Variants in SLC23A2 observed in about 807,000 individuals in gnomAD.
SLC23A2 encodes the protein solute carrier family 23 member 2.
In SLC23A2, 36 loss-of-function variants were observed where a neutral mutation model predicts 73.3. The observed-to-expected ratio is 0.49, with a 90% CI of 0.38 to 0.65. SLC23A2 has a LOEUF of 0.65. Ranked by LOEUF, SLC23A2 falls within the 30% of genes least tolerant of loss-of-function variation. SLC23A2 has a pLI of 0.00. For synonymous variants in SLC23A2, 343 were observed against 327.3 expected, an observed-to-expected ratio of 1.05 and a Z score of -0.52; for missense variants, 507 against 841.6, an observed-to-expected ratio of 0.60 and a Z score of 4.92.
Position 4,945,680 on chromosome 20 carries a change from A to G in SLC23A2, c.-154-12964T>C, listed in dbSNP as rs190629731. ...AGAATTTTTAAAACAATGGCATTTG[A>G]CAGAACAAAAAACTTCAGAGCATAT... On this transcript the variant is annotated intron_variant, in intron 2 of 16. Coordinates refer to ENST00000338244, the MANE Select transcript of SLC23A2 (RefSeq NM_005116.6). 3.8e-3 allele frequency among the ~76,000 whole-genome samples: 572 copies of G among 152,298 alleles called. 5 individuals carry two copies. Among genetic ancestry groups the G allele is most frequent in the Non-Finnish European group, 6.0e-3 (411 of 68,018 alleles).
At position 4,997,070 on chromosome 20, in the gene SLC23A2, T is replaced by C. The variant is rs1600218236; in HGVS notation, c.-282+4336A>G. On this transcript the variant is annotated intron_variant, in intron 1 of 16. Transcript: ENST00000338244. ...AGAACCTCGGAGTCCTCCTCAGTTT[T>C]CTTTCTGGTTCATCAGCAAATCTCA... 2.0e-5 allele frequency among the ~76,000 whole-genome samples: 3 copies of C among 152,290 alleles called. No homozygotes were observed. The East Asian group carries it at 5.8e-4, about 29-fold the overall frequency.
intron 4 of SLC23A2, among the ~76,000 whole-genome samples, chr20:4,904,548 G>T (rs1377050756): frequency 6.6e-6 from 1 of 152,148 alleles, no homozygotes; most frequent in Non-Finnish European, 1.5e-5. Flanking sequence ...CCTGATTTGG[G>T]AACTTCTGAA....
chr20:4,973,544 T>C lies in SLC23A2; in HGVS notation c.-281-2625A>G, dbSNP rs945964821. On this transcript the variant is annotated intron_variant, in intron 1 of 16. Transcript: ENST00000338244. ...GGTTTTAATACTGGGAACATGCAAA[T>C]ACATTTTTGAGAAAGGAATCTCTGA... Among the ~76,000 whole-genome samples the C allele has an allele frequency of 2.0e-5, 3 of 152,088 alleles. No individual in the cohort carries two copies. The East Asian group carries it at 5.8e-4, about 29-fold the overall frequency.
intron 3 of SLC23A2, among the ~76,000 whole-genome samples, chr20:4,927,772 C>T (rs2122932450): frequency 6.6e-6 from 1 of 152,230 alleles, no homozygotes; most frequent in South Asian, 2.1e-4. Flanking sequence ...CTATCAGCCT[C>T]ACCTCTGTTC....
chr20:4,936,251 G>A (rs1241580811), intron 2 of SLC23A2, among the ~76,000 whole-genome samples: 1 of 152,156 alleles, frequency 6.6e-6, no homozygotes, highest in Non-Finnish European at 1.5e-5. Flanking sequence ...AGCCACAGTG[G>A]ACCTCTGCCT....
rs1439210155 is a variant in SLC23A2, at chr20:4,855,771, C to T, written c.*1201G>A. The T allele has an allele frequency of 6.5e-6, 1 of 152,678 alleles. No individual in the cohort carries two copies. The highest frequency in any genetic ancestry group is 1.5e-5 in the Non-Finnish European group (1 of 68,054). 9.5% of individuals were successfully genotyped at this position (152,678 alleles called of 1,614,324 possible). ...CTTCACAAAACAAATTCACGTGTAA[C>T]TTGACCCATGGTTTCTGGGCTCCGG... On this transcript the variant is annotated 3_prime_UTR_variant, in exon 17 of 17. Transcript: ENST00000338244.
At chr20:4,957,168 T>TA (rs2087303988) in intron 2 of SLC23A2, among the ~76,000 whole-genome samples, 1 of 152,032 alleles carries the variant, frequency 6.6e-6, no homozygotes, top group Non-Finnish European at 1.5e-5. Context: ...ATCAATACTC[T>TA]AAGAAGCCAA....
At chr20:4,875,323 G>C (rs1490935691) in intron 9 of SLC23A2, among the ~76,000 whole-genome samples, 1 of 152,128 alleles carries the variant, frequency 6.6e-6, no homozygotes, top group Admixed American at 6.5e-5. Context: ...AACATTCCTG[G>C]GAGGCTTCTG....
At chr20:4,993,598 T>C (rs1208746140) in intron 1 of SLC23A2, among the ~76,000 whole-genome samples, 1 of 151,914 alleles carries the variant, frequency 6.6e-6, no homozygotes, top group East Asian at 1.9e-4. Flanking sequence ...CAAGCACTGA[T>C]GTTTCTGAAA....
At chr20:4,931,580 G>A (rs1020717730) in intron 3 of SLC23A2, among the ~76,000 whole-genome samples, 1 of 152,050 alleles carries the variant, frequency 6.6e-6, no homozygotes, top group African/African-American at 2.4e-5. Context: ...AACACAGTGA[G>A]ACCCCATCTC....
At chr20:4,931,844 G>A (rs1316720141) in intron 3 of SLC23A2, among the ~76,000 whole-genome samples, 2 of 152,154 alleles carry the variant, frequency 1.3e-5, no homozygotes, top group East Asian at 1.9e-4. Context: ...GTATTAAGAG[G>A]AAAACATCTT....
At chr20:4,946,332 A>G (rs2087118485) in intron 2 of SLC23A2, among the ~76,000 whole-genome samples, 1 of 152,108 alleles carries the variant, frequency 6.6e-6, no homozygotes, top group Admixed American at 6.5e-5. Context: ...ACTGTAGAAA[A>G]AAAGGGTCCC....
chr20:4,985,550 C>A (rs2087810675), intron 1 of SLC23A2, among the ~76,000 whole-genome samples: 1 of 151,854 alleles, frequency 6.6e-6, no homozygotes, highest in Non-Finnish European at 1.5e-5. Context: ...CGGGTTCAAG[C>A]AATACCCCCA....
intron 2 of SLC23A2, among the ~76,000 whole-genome samples, chr20:4,935,526 C>T (rs2086948756): frequency 6.6e-6 from 1 of 152,166 alleles, no homozygotes; most frequent in South Asian, 2.1e-4. Context: ...AGGCCGGGCG[C>T]AGTGGTTCAC....
chr20:5,003,683 T>C (rs2088159442), upstream of SLC23A2, among the ~76,000 whole-genome samples: 1 of 152,014 alleles, frequency 6.6e-6, no homozygotes, highest in Non-Finnish European at 1.5e-5. Context: ...TCTCCCTCTC[T>C]AGGCATTTAC....
intron 2 of SLC23A2, among the ~76,000 whole-genome samples, chr20:4,959,508 T>C (rs918911281): frequency 2.0e-5 from 3 of 152,180 alleles, no homozygotes; most frequent in Non-Finnish European, 4.4e-5. Flanking sequence ...TTTGTATTTA[T>C]TTATTTTGAG....
chr20:4,882,244 G>A (rs1319273181), intron 9 of SLC23A2, among the ~76,000 whole-genome samples: 1 of 152,058 alleles, frequency 6.6e-6, no homozygotes. Context: ...GTGTGGTGGT[G>A]GGTGCTTGTA....
At chr20:4,974,416 C>T (rs1469985432) in intron 1 of SLC23A2, among the ~76,000 whole-genome samples, 1 of 151,830 alleles carries the variant, frequency 6.6e-6, no homozygotes, top group Non-Finnish European at 1.5e-5. Flanking sequence ...TGCGGTGAGC[C>T]GAGATCGCGC....
chr20:4,875,429 G>T (rs745426065), intron 9 of SLC23A2, among the ~76,000 whole-genome samples: 1 of 152,176 alleles, frequency 6.6e-6, no homozygotes, highest in Non-Finnish European at 1.5e-5. Flanking sequence ...CAAAGCCAGA[G>T]GTCCAAGATC....
Sources: gnomAD v4.1 joint callset for allele counts (sites outside exome capture counted in the v4.1 genomes callset) on GRCh38, gnomAD v4.1.1 for gene constraint, MANE v1.5 for transcripts, NCBI Gene and HGNC (gene_info 2026-07-23, HGNC 2026-07-21) for gene names.